Variants in MOB3B observed in about 807,000 individuals in gnomAD.
MOB3B encodes MOB kinase activator 3B, also known as MOB kinase activator-like 2B.
In MOB3B, 7 loss-of-function variants were observed where a neutral mutation model predicts 18.7. The ratio of observed to expected loss-of-function variants is 0.37; its 90% CI spans 0.21 to 0.70. The LOEUF (loss-of-function observed/expected upper bound fraction) is 0.70, where lower values mean the gene tolerates loss of function less well. Ranked by LOEUF, MOB3B falls within the 30% of genes least tolerant of loss-of-function variation. The probability of loss-of-function intolerance (pLI) is 0.52; values close to 1 mark genes in which losing one functional copy is unlikely to be tolerated. For synonymous variants in MOB3B, 111 were observed against 99.9 expected, an observed-to-expected ratio of 1.11 and a Z score of -0.66; for missense variants, 253 against 281.3, an observed-to-expected ratio of 0.90 and a Z score of 0.72.
At chr9:27,518,652 T>C (rs1165509046) in intron 1 of MOB3B, among the ~76,000 whole-genome samples, 1 of 152,236 alleles carries the variant, frequency 6.6e-6, no homozygotes, top group African/African-American at 2.4e-5. Flanking sequence ...TAATCTTCAG[T>C]TGGGCTGGAA....
chr9:27,467,438 G>A (rs1453276169), intron 1 of MOB3B, among the ~76,000 whole-genome samples: 1 of 152,232 alleles, frequency 6.6e-6, no homozygotes, highest in Non-Finnish European at 1.5e-5. Context: ...ATTTCAGGTG[G>A]TGTGATGATC....
At chr9:27,365,914 C>T (rs771259389) in intron 2 of MOB3B, among the ~76,000 whole-genome samples, 4 of 152,184 alleles carry the variant, frequency 2.6e-5, no homozygotes, top group East Asian at 1.9e-4. Context: ...TGGAGTGCGC[C>T]GAGGCAACAT....
chr9:27,522,058 T>C (rs1820340335), intron 1 of MOB3B, among the ~76,000 whole-genome samples: 1 of 151,488 alleles, frequency 6.6e-6, no homozygotes, highest in Non-Finnish European at 1.5e-5. Context: ...GTCGCCAACA[T>C]GGTGAAACCC....
Position 27,432,061 on chromosome 9 carries a change from A to C in MOB3B, c.418+23072T>G, listed in dbSNP as rs182680444. On this transcript the variant is annotated intron_variant, in intron 2 of 3. Coordinates refer to ENST00000262244, the MANE Select transcript of MOB3B (RefSeq NM_024761.5). ...AGCAAAAGACATCAGACGATCAACTACCATGTTCAGAAAAATAAACCAGAA... is the reference window on the plus strand; with the variant it reads ...AGCAAAAGACATCAGACGATCAACTCCCATGTTCAGAAAAATAAACCAGAA... 5.3e-5 allele frequency among the ~76,000 whole-genome samples: 8 copies of C among 152,328 alleles called. No individual in the cohort carries two copies. The East Asian group carries it at 1.5e-3, about 29-fold the overall frequency.
rs887139894 is a variant in MOB3B, at chr9:27,465,621, G to T, written c.-198-9873C>A. Among the ~76,000 whole-genome samples, 3 of 152,214 alleles carry T rather than the reference G, an allele frequency of 2.0e-5. No homozygotes were observed. The East Asian group carries it at 5.8e-4, about 29-fold the overall frequency. ...TTCCCTTCTGCACTGCCCTAGCGGA[G>T]GTTCTCCATGAGGGTCCCGCCCCTG... On this transcript the variant is annotated intron_variant, in intron 1 of 3. Transcript: ENST00000262244.
chr9:27,461,927 T>C (rs931061415), intron 1 of MOB3B, among the ~76,000 whole-genome samples: 3 of 152,170 alleles, frequency 2.0e-5, no homozygotes, highest in African/African-American at 7.2e-5. Context: ...TTTGGTATGG[T>C]TTGAAACATT....
At position 27,326,740 on chromosome 9, in the gene MOB3B, GC is replaced by G; in HGVS notation, c.*3846del. On this transcript the variant is annotated 3_prime_UTR_variant, in exon 4 of 4. Transcript: ENST00000262244. ...GAAGAGAAAACGAACAATTTAAGAA[GC>G]AGGAAATGACTCTAGATCAGTATTT... 2.5e-6 allele frequency: 1 copy of G among 396,760 alleles called. No individual in the cohort carries two copies. The highest frequency in any genetic ancestry group is 4.4e-6 in the Non-Finnish European group (1 of 225,388). The allele number at this position is 396,760 out of a possible 1,614,324, so 24.6% of individuals were successfully genotyped here.
At chr9:27,470,139 C>T (rs1365428805) in intron 1 of MOB3B, among the ~76,000 whole-genome samples, 1 of 102,424 alleles carries the variant, frequency 9.8e-6, no homozygotes, top group Middle Eastern at 4.8e-3. Flanking sequence ...GAAAAGAAAA[C>T]TACCCCAACT....
intron 1 of MOB3B, among the ~76,000 whole-genome samples, chr9:27,488,148 A>G (rs1394073937): frequency 6.6e-6 from 1 of 152,180 alleles, no homozygotes; most frequent in Non-Finnish European, 1.5e-5. Context: ...GAAGTCTGCA[A>G]ACAACTAGCT....
At chr9:27,498,771 T>C (rs1041307082) in intron 1 of MOB3B, among the ~76,000 whole-genome samples, 2 of 152,236 alleles carry the variant, frequency 1.3e-5, no homozygotes, top group Non-Finnish European at 2.9e-5. Flanking sequence ...AGTTGCTATG[T>C]AGAGATAAAG....
intron 3 of MOB3B, among the ~76,000 whole-genome samples, chr9:27,343,378 C>T (rs191925459): frequency 1.3e-5 from 2 of 150,628 alleles, no homozygotes; most frequent in African/African-American, 2.5e-5. Context: ...ACCAGAGACC[C>T]TTGTTCACAT....
At chr9:27,395,785 G>T (rs1267441347) in intron 2 of MOB3B, among the ~76,000 whole-genome samples, 1 of 152,194 alleles carries the variant, frequency 6.6e-6, no homozygotes, top group Non-Finnish European at 1.5e-5. Flanking sequence ...GCTGAGTCAG[G>T]CTCAGCCTGA....
At chr9:27,463,288 T>C (rs1197185198) in intron 1 of MOB3B, among the ~76,000 whole-genome samples, 1 of 152,208 alleles carries the variant, frequency 6.6e-6, no homozygotes, top group Non-Finnish European at 1.5e-5. Context: ...GTATTATTAT[T>C]ATTATACCTA....
At chr9:27,358,393 A>C (rs1821224719) in intron 3 of MOB3B, among the ~76,000 whole-genome samples, 1 of 152,218 alleles carries the variant, frequency 6.6e-6, no homozygotes, top group Non-Finnish European at 1.5e-5. Flanking sequence ...AGAGCTTTTG[A>C]AGAAAATAAA....
At chr9:27,414,705 C>T (rs568153843) in intron 2 of MOB3B, among the ~76,000 whole-genome samples, 9 of 152,128 alleles carry the variant, frequency 5.9e-5, no homozygotes, top group South Asian at 2.1e-4. Context: ...CAAGGTGACA[C>T]GGTCATGAGG....
At chr9:27,344,585 G>T (rs1369769856) in intron 3 of MOB3B, among the ~76,000 whole-genome samples, 1 of 152,166 alleles carries the variant, frequency 6.6e-6, no homozygotes, top group Admixed American at 6.5e-5. Flanking sequence ...GGGAAAGAGT[G>T]AGTTCCAGAG....
intron 1 of MOB3B, among the ~76,000 whole-genome samples, chr9:27,500,204 AT>A (rs1819967923): frequency 6.6e-6 from 1 of 150,866 alleles, no homozygotes; most frequent in Non-Finnish European, 1.5e-5. Flanking sequence ...TTAGTTTCAA[AT>A]TCCCTGTGCT....
At chr9:27,510,009 G>C (rs113834482) in intron 1 of MOB3B, among the ~76,000 whole-genome samples, 1 of 152,232 alleles carries the variant, frequency 6.6e-6, no homozygotes, top group East Asian at 1.9e-4. Context: ...ATAGGCATGA[G>C]CCACTGCACC....
chr9:27,364,431 G>A (rs1046901739), intron 2 of MOB3B, among the ~76,000 whole-genome samples: 10 of 152,178 alleles, frequency 6.6e-5, no homozygotes, highest in Non-Finnish European at 1.5e-4. Context: ...CAAAAATGCT[G>A]TTTTCATAGA....
Sources: allele counts gnomAD v4.1 joint callset (sites outside exome capture counted in the v4.1 genomes callset), GRCh38; gene constraint gnomAD v4.1.1; transcripts MANE v1.5; gene names NCBI Gene and HGNC (gene_info 2026-07-23, HGNC 2026-07-21).